Variants in TRAPPC9 observed in about 807,000 individuals in gnomAD.
The protein encoded by TRAPPC9 is IKK2 binding protein.
A neutral mutation model predicts 124.0 loss-of-function variants in TRAPPC9; 83 were observed. The observed-to-expected ratio is 0.67, with a 90% CI of 0.56 to 0.80. TRAPPC9 has a LOEUF of 0.80. Ranked by LOEUF, TRAPPC9 falls within the 30% of genes least tolerant of loss-of-function variation. TRAPPC9 has a pLI of 0.00. For synonymous variants in TRAPPC9, 638 were observed against 617.5 expected, an observed-to-expected ratio of 1.03 and a Z score of -0.49; for missense variants, 1,302 against 1,508.3, an observed-to-expected ratio of 0.86 and a Z score of 2.27.
intron 21 of TRAPPC9, among the ~76,000 whole-genome samples, chr8:139,834,693 A>C (rs2130857479): frequency 6.6e-6 from 1 of 152,340 alleles, no homozygotes; most frequent in East Asian, 1.9e-4. Context: ...AGTAGCCTGA[A>C]CTTGGAGTCC....
intron 18 of TRAPPC9, among the ~76,000 whole-genome samples, chr8:140,005,172 A>G (rs1587472272): frequency 2.0e-5 from 3 of 152,308 alleles, no homozygotes; most frequent in African/African-American, 7.2e-5. Flanking sequence ...ATGACTACCT[A>G]TCTACCAGAT....
At chr8:140,022,976 T>C (rs1402017804) in intron 18 of TRAPPC9, among the ~76,000 whole-genome samples, 3 of 152,340 alleles carry the variant, frequency 2.0e-5, no homozygotes, top group East Asian at 3.9e-4. Flanking sequence ...AACATTAACA[T>C]GGACAACAAC....
chr8:139,940,378 T>C (rs1563938453), intron 19 of TRAPPC9, among the ~76,000 whole-genome samples: 1 of 152,246 alleles, frequency 6.6e-6, no homozygotes, highest in Non-Finnish European at 1.5e-5. Context: ...CCAACAAATA[T>C]TATCATCGTC....
At chr8:140,111,524 C>T (rs947691695) in intron 17 of TRAPPC9, among the ~76,000 whole-genome samples, 11 of 152,174 alleles carry the variant, frequency 7.2e-5, no homozygotes, top group South Asian at 2.1e-4. Flanking sequence ...GCACCTGGAA[C>T]GAGGTGGGCA....
intron 19 of TRAPPC9, among the ~76,000 whole-genome samples, chr8:139,919,757 G>A (rs1832388847): frequency 6.6e-6 from 1 of 152,078 alleles, no homozygotes; most frequent in Non-Finnish European, 1.5e-5. Flanking sequence ...TCAACTTGGT[G>A]CCCCCCATGC....
intron 19 of TRAPPC9, among the ~76,000 whole-genome samples, chr8:139,949,364 G>A (rs1050101481): frequency 1.9e-4 from 29 of 152,250 alleles, no homozygotes; most frequent in Admixed American, 9.2e-4. Context: ...TAAACGTGGC[G>A]TTACCGTATG....
chr8:140,221,187 G>A (rs998022889), intron 17 of TRAPPC9, among the ~76,000 whole-genome samples: 4 of 152,204 alleles, frequency 2.6e-5, no homozygotes, highest in African/African-American at 9.7e-5. Context: ...GAAACGGCAG[G>A]AGAGAGTCTG....
chr8:140,036,831 CATT>C (rs1216568969), intron 17 of TRAPPC9, among the ~76,000 whole-genome samples: 1 of 152,140 alleles, frequency 6.6e-6, no homozygotes, highest in African/African-American at 2.4e-5. Flanking sequence ...ATCACGATCA[CATT>C]ATTGTTATTT....
rs549154823 is a variant in TRAPPC9 at position 139,885,801 on chromosome 8, C to G, written c.3055+78G>C. On this transcript the variant is annotated intron_variant, in intron 21 of 22. Coordinates refer to ENST00000438773, the MANE Select transcript of TRAPPC9 (RefSeq NM_001160372.4). ...CAACATTTGGGGTGCCCAGCCACAC[C>G]CCCCAAGACCTTGCTCGTGCATTTG... 1.0e-5 allele frequency: 14 copies of G among 1,403,762 alleles called. No homozygotes were observed. The East Asian group carries it at 3.5e-4, about 35-fold the overall frequency. 87.0% of individuals were successfully genotyped at this position (1,403,762 alleles called of 1,614,324 possible). A position where few individuals can be genotyped will look rare whatever the true frequency, so the allele number is the denominator to read the frequency against.
intron 21 of TRAPPC9, among the ~76,000 whole-genome samples, chr8:139,856,526 A>C (rs930054830): frequency 5.3e-5 from 8 of 152,124 alleles, no homozygotes; most frequent in Admixed American, 1.3e-4. Context: ...GGTGTGGGAC[A>C]ATGTCCTCTC....
intron 17 of TRAPPC9, among the ~76,000 whole-genome samples, chr8:140,156,687 G>C (rs2061636182): frequency 6.6e-6 from 1 of 152,222 alleles, no homozygotes; most frequent in African/African-American, 2.4e-5. Context: ...CTCAGGCTCA[G>C]AGAGATGAAG....
chr8:140,204,769 C>T (rs1334918571), intron 17 of TRAPPC9, among the ~76,000 whole-genome samples: 1 of 152,220 alleles, frequency 6.6e-6, no homozygotes, highest in Non-Finnish European at 1.5e-5. Context: ...TTGCAGCCTG[C>T]AGAACCATGA....
chr8:140,194,948 C>T lies in TRAPPC9; in HGVS notation c.2556+26511G>A, dbSNP rs182571658. 5.9e-4 allele frequency among the ~76,000 whole-genome samples: 90 copies of T among 151,530 alleles called. 1 individual carries two copies. The East Asian group carries it at 0.011, about 18-fold the overall frequency. On this transcript the variant is annotated intron_variant, in intron 17 of 22. Coordinates refer to ENST00000438773, the MANE Select transcript of TRAPPC9 (RefSeq NM_001160372.4). Reference sequence around the variant, plus strand: ...ACCTGTGACACTAAAACACATTCAACGATCCACTGTACAGATCACACCTGT... The same window carrying T: ...ACCTGTGACACTAAAACACATTCAATGATCCACTGTACAGATCACACCTGT...
At chr8:139,975,679 T>C (rs1836393611) in intron 19 of TRAPPC9, among the ~76,000 whole-genome samples, 1 of 151,970 alleles carries the variant, frequency 6.6e-6, no homozygotes, top group African/African-American at 2.4e-5. Flanking sequence ...ACCCCCACAC[T>C]CCTACATTAG....
chr8:140,186,385 AC>A (rs1303971312), intron 17 of TRAPPC9, among the ~76,000 whole-genome samples: 2 of 151,982 alleles, frequency 1.3e-5, no homozygotes, highest in Non-Finnish European at 2.9e-5. Context: ...GGAGTTTGAG[AC>A]CAGCCTGGCC....
chr8:140,456,206 G>A (rs984558414), intron 1 of TRAPPC9, among the ~76,000 whole-genome samples: 22 of 152,204 alleles, frequency 1.4e-4, no homozygotes, highest in African/African-American at 3.1e-4. Context: ...TCAGGAGTTC[G>A]AGAGCAGCCT....
chr8:140,273,092 A>C (rs770141621), intron 15 of TRAPPC9, among the ~76,000 whole-genome samples: 6 of 152,168 alleles, frequency 3.9e-5, no homozygotes, highest in Non-Finnish European at 7.4e-5. Context: ...GTAGGGCCAG[A>C]CAGTGCCCTC....
Position 139,826,053 on chromosome 8 carries a change from C to T in TRAPPC9, c.3055+59826G>A, listed in dbSNP as rs550767694. Among the ~76,000 whole-genome samples, 13 of 152,304 alleles carry T rather than the reference C, an allele frequency of 8.5e-5. No homozygotes were observed. The East Asian group carries it at 2.1e-3, about 25-fold the overall frequency. ...CTGCCTGGTGGGCAAGGAAGAGGAG[C>T]GTGGAGAGGTCTTCCTGGCCAGGTC... On this transcript the variant is annotated intron_variant, in intron 21 of 22. Transcript: ENST00000438773.
At chr8:139,826,499 T>C (rs948725404) in intron 21 of TRAPPC9, among the ~76,000 whole-genome samples, 3 of 152,056 alleles carry the variant, frequency 2.0e-5, no homozygotes, top group African/African-American at 7.2e-5. Flanking sequence ...GAGACCCCTG[T>C]GAGTGGCACC....
Sources: gnomAD v4.1 joint callset for allele counts (sites outside exome capture counted in the v4.1 genomes callset) on GRCh38, gnomAD v4.1.1 for gene constraint, MANE v1.5 for transcripts, NCBI Gene and HGNC (gene_info 2026-07-23, HGNC 2026-07-21) for gene names.